Variants in TSHZ3 observed in about 807,000 individuals in gnomAD.
TSHZ3 encodes the protein teashirt homolog 3.
A neutral mutation model predicts 64.5 loss-of-function variants in TSHZ3; 10 were observed. That is an observed-to-expected ratio of 0.16 (90% confidence interval 0.10 to 0.26). The LOEUF is 0.26. Ranked by LOEUF, TSHZ3 falls within the 10% of genes least tolerant of loss-of-function variation. The pLI is 1.00. For synonymous variants in TSHZ3, 608 were observed against 593.1 expected, an observed-to-expected ratio of 1.03 and a Z score of -0.36; for missense variants, 1,242 against 1,421.7, an observed-to-expected ratio of 0.87 and a Z score of 2.03.
intron 1 of TSHZ3, among the ~76,000 whole-genome samples, chr19:31,314,930 C>T (rs1043805654): frequency 2.6e-5 from 4 of 152,312 alleles, no homozygotes; most frequent in African/African-American, 7.2e-5. Context: ...GAAAGGACGA[C>T]GGGTCCTATA....
chr19:31,212,893 C>A (rs1388088515), intron 4 of TSHZ3, among the ~76,000 whole-genome samples: 1 of 152,004 alleles, frequency 6.6e-6, no homozygotes, highest in East Asian at 1.9e-4. Context: ...GTGGTACACC[C>A]AGACAACAGA....
In TSHZ3 at chr19:31,297,957, G is replaced by A; in HGVS notation, c.41-18205C>T. Among the ~76,000 whole-genome samples, 3 of 152,186 alleles carry A rather than the reference G, an allele frequency of 2.0e-5. 1 individual carries two copies. The East Asian group carries it at 5.8e-4, about 29-fold the overall frequency. ...CTGTGAAATGCTCACCCTCTGCAGA[G>A]AGACCTGCTACTGGATCAGCAGACA... On this transcript the variant is annotated intron_variant, in intron 1 of 1. Coordinates refer to ENST00000240587, the MANE Select transcript of TSHZ3 (RefSeq NM_020856.4).
At chr19:31,291,835 T>G (rs1976571220) in intron 1 of TSHZ3, among the ~76,000 whole-genome samples, 1 of 152,166 alleles carries the variant, frequency 6.6e-6, no homozygotes, top group African/African-American at 2.4e-5. Flanking sequence ...TTAATCCATT[T>G]AAGCTACAGG....
At chr19:31,323,382 T>C (rs779752557) in intron 1 of TSHZ3, among the ~76,000 whole-genome samples, 3 of 152,250 alleles carry the variant, frequency 2.0e-5, no homozygotes, top group Non-Finnish European at 2.9e-5. Flanking sequence ...TATGATCCAA[T>C]GGTGAGCTCC....
chr19:31,298,943 C>T (rs911680313), intron 1 of TSHZ3, among the ~76,000 whole-genome samples: 1 of 152,130 alleles, frequency 6.6e-6, no homozygotes. Context: ...GCCTATAATC[C>T]CAGCACTCTG....
At chr19:31,196,775 T>C (rs762823037) in intron 5 of TSHZ3, among the ~76,000 whole-genome samples, 11 of 151,962 alleles carry the variant, frequency 7.2e-5, no homozygotes, top group Non-Finnish European at 1.5e-4. Context: ...CAATCCTTAG[T>C]AAAGTTGTGC....
Position 31,300,442 on chromosome 19 carries a change from AT to A in TSHZ3, c.41-20691del, listed in dbSNP as rs1267942413. Among the ~76,000 whole-genome samples, 47 of 152,262 alleles carry A rather than the reference AT, an allele frequency of 3.1e-4. No homozygotes were observed. The South Asian group carries it at 9.3e-3, about 30-fold the overall frequency. The stretch of plus-strand genomic sequence containing the variant: ...TGGATATGATTATAATTGAACACAA[AT>A]TTTTTTTATATCACCATAGATGAAC... On this transcript the variant is annotated intron_variant, in intron 1 of 1. Coordinates refer to ENST00000240587, the MANE Select transcript of TSHZ3 (RefSeq NM_020856.4).
intron 1 of TSHZ3, among the ~76,000 whole-genome samples, chr19:31,264,168 T>C (rs867407644): frequency 2.6e-5 from 4 of 152,294 alleles, no homozygotes; most frequent in Middle Eastern, 3.4e-3. Context: ...GGCCAAAACC[T>C]TCCTCCTGCA....
chr19:31,230,800 T>C (rs866661922), intron 3 of TSHZ3, among the ~76,000 whole-genome samples: 6 of 149,258 alleles, frequency 4.0e-5, no homozygotes, highest in Admixed American at 6.7e-5. Flanking sequence ...CCCGGGTTCA[T>C]GCCATTCTCC....
intron 1 of TSHZ3, among the ~76,000 whole-genome samples, chr19:31,289,103 G>T (rs1478959513): frequency 6.6e-6 from 1 of 152,246 alleles, no homozygotes; most frequent in Non-Finnish European, 1.5e-5. Flanking sequence ...CTAAGTTAAA[G>T]AAACTCTGCA....
downstream of TSHZ3, among the ~76,000 whole-genome samples, chr19:31,271,228 C>T (rs1019850038): frequency 5.3e-5 from 8 of 152,118 alleles, no homozygotes; most frequent in African/African-American, 1.7e-4. Flanking sequence ...GCCCTTGGAA[C>T]CATGAAAGCC....
chr19:31,292,753 T>TCCATCCATCCAC (rs1976590598), intron 1 of TSHZ3, among the ~76,000 whole-genome samples: 1 of 110,160 alleles, frequency 9.1e-6, no homozygotes, highest in Admixed American at 8.9e-5. Flanking sequence ...CATCCATCCA[T>TCCATCCATCCAC]CCATCCATCC....
chr19:31,238,302 C>A (rs900573492), intron 3 of TSHZ3, among the ~76,000 whole-genome samples: 1 of 149,250 alleles, frequency 6.7e-6, no homozygotes, highest in Non-Finnish European at 1.5e-5. Context: ...GTCACCCGGA[C>A]TGCAGAGCAA....
chr19:31,157,071 T>C (rs1171064103), intron 5 of TSHZ3, among the ~76,000 whole-genome samples: 3 of 151,812 alleles, frequency 2.0e-5, no homozygotes, highest in African/African-American at 7.3e-5. Context: ...AGGTACAGAA[T>C]TGAACATATA....
chr19:31,183,177 A>AG (rs2145128892), intron 5 of TSHZ3, among the ~76,000 whole-genome samples: 1 of 121,530 alleles, frequency 8.2e-6, no homozygotes, highest in East Asian at 2.8e-4. Flanking sequence ...ATTCTATGAG[A>AG]TTCTCTCTCT....
At chr19:31,174,601 A>G (rs1460694318) in intron 5 of TSHZ3, among the ~76,000 whole-genome samples, 1 of 152,132 alleles carries the variant, frequency 6.6e-6, no homozygotes, top group Non-Finnish European at 1.5e-5. Context: ...TATCTTAGTT[A>G]TTTATCTGGT....
rs1166220031 is a variant in TSHZ3 at position 31,275,791 on chromosome 19, C to G, written c.*756G>C. On this transcript the variant is annotated 3_prime_UTR_variant, in exon 2 of 2. Coordinates refer to ENST00000240587, the MANE Select transcript of TSHZ3 (RefSeq NM_020856.4). ...AATGTTTGCATGTAAAAAACAAAACCCATAGACCTTAAAAAAAAGAAAAAA... is the reference window on the plus strand; with the variant it reads ...AATGTTTGCATGTAAAAAACAAAACGCATAGACCTTAAAAAAAAGAAAAAA... 6.6e-6 allele frequency: 1 copy of G among 152,146 alleles called. No individual in the cohort carries two copies. The highest frequency in any genetic ancestry group is 1.5e-5 in the Non-Finnish European group (1 of 67,950). The allele number at this position is 152,146 out of a possible 1,614,324, so 9.4% of individuals were successfully genotyped here.
chr19:31,280,839 G>C (rs1367998529), intron 1 of TSHZ3, among the ~76,000 whole-genome samples: 1 of 152,228 alleles, frequency 6.6e-6, no homozygotes, highest in African/African-American at 2.4e-5. Flanking sequence ...TTGCGTTAAT[G>C]CAACAGGGTG....
At chr19:31,289,817 G>C (rs1976533122) in intron 1 of TSHZ3, among the ~76,000 whole-genome samples, 1 of 152,174 alleles carries the variant, frequency 6.6e-6, no homozygotes. Context: ...CTTCTGCCTT[G>C]AATCACCTTC....
Sources: allele counts gnomAD v4.1 joint callset (sites outside exome capture counted in the v4.1 genomes callset), GRCh38; gene constraint gnomAD v4.1.1; transcripts MANE v1.5; gene names NCBI Gene and HGNC (gene_info 2026-07-23, HGNC 2026-07-21).